CELF2: variants seen among roughly 807,000 people sequenced by gnomAD.
The protein encoded by CELF2 is CUG triplet repeat RNA-binding protein 2.
Under a neutral mutation model 62.6 loss-of-function variants are expected in CELF2, and 8 were observed. That is an observed-to-expected ratio of 0.13 (90% CI 0.07 to 0.23). The LOEUF is 0.23. Among genes scored for constraint, CELF2 ranks in the 10% least tolerant of loss-of-function variants. CELF2 has a pLI of 1.00. For synonymous variants in CELF2, 258 were observed against 250.0 expected (o/e 1.03, Z -0.30); for missense variants, 333 against 671.0 (o/e 0.50, Z 5.56).
the CELF2 span, among the ~76,000 whole-genome samples, chr10:10,561,893 A>G: frequency 4.6e-5 from 7 of 152,210 alleles, no homozygotes; most frequent in African/African-American, 1.7e-4. Flanking sequence ...TTTTTCCCCC[A>G]GGGCCTAGGT....
the CELF2 span, among the ~76,000 whole-genome samples, chr10:10,505,279 C>G: frequency 6.6e-6 from 1 of 152,000 alleles, no homozygotes; most frequent in African/African-American, 2.4e-5. Flanking sequence ...AACCACTTAA[C>G]CTTCTTTAAC....
chr10:10,485,779 C>T, the CELF2 span, among the ~76,000 whole-genome samples: 1 of 152,162 alleles, frequency 6.6e-6, no homozygotes, highest in South Asian at 2.1e-4. Context: ...TCTATCCTAT[C>T]CGTTCCTAAA....
At chr10:11,064,920 C>A (rs1416323041) in intron 1 of CELF2, among the ~76,000 whole-genome samples, 1 of 152,186 alleles carries the variant, frequency 6.6e-6, no homozygotes, top group Admixed American at 6.5e-5. Flanking sequence ...AAAAGCTTTG[C>A]AGGCCCAGTC....
chr10:11,083,550 A>C (rs1222477212), intron 1 of CELF2, among the ~76,000 whole-genome samples: 2 of 152,180 alleles, frequency 1.3e-5, no homozygotes, highest in African/African-American at 4.8e-5. Flanking sequence ...TTACTAAGGT[A>C]ATGTTAGGCT....
chr10:10,503,536 CT>C, the CELF2 span, among the ~76,000 whole-genome samples: 2 of 151,866 alleles, frequency 1.3e-5, no homozygotes, highest in African/African-American at 4.8e-5. Flanking sequence ...GCCACTCCTA[CT>C]TTCGCTTGAT....
chr10:10,810,480 C>T (rs187738152), intron 1 of CELF2, among the ~76,000 whole-genome samples: 19 of 152,140 alleles, frequency 1.2e-4, no homozygotes, highest in Non-Finnish European at 1.6e-4. Flanking sequence ...TCCCTAAGTC[C>T]CTTAAGCATC....
In CELF2 at chr10:11,005,430, C is replaced by T. The variant is rs777545523; in HGVS notation, c.43C>T (p.Leu15=). 3 of 1,613,746 alleles carry T rather than the reference C, an allele frequency of 1.9e-6. No individual in the cohort carries two copies. In the African/African-American group the frequency reaches 4.0e-5, roughly 22 times the overall value. ...CGCTGTTACTATGAGAAATGAAGAG[C>T]TGCTTTTAAGGTATGTTGTTGTGTC... The change falls in exon 1 of 13, where the codon CTG becomes TTG. Residue 15 remains leucine (L), a synonymous_variant. Transcript: ENST00000416382. The surrounding 1 kb of genome is among the most constrained non-coding windows in gnomAD (Gnocchi z 4.3).
chr10:10,673,785 A>G, the CELF2 span, among the ~76,000 whole-genome samples: 1 of 152,048 alleles, frequency 6.6e-6, no homozygotes, highest in African/African-American at 2.4e-5. Flanking sequence ...TTGGACCTAT[A>G]TGTTTTATAG....
intron 1 of CELF2, among the ~76,000 whole-genome samples, chr10:10,837,347 C>G (rs575621414): frequency 6.6e-6 from 1 of 152,276 alleles, no homozygotes; most frequent in East Asian, 1.9e-4. Flanking sequence ...TTTCACCTTC[C>G]GCATGATTGT....
chr10:10,851,502 C>T (rs2059379927), intron 1 of CELF2, among the ~76,000 whole-genome samples: 1 of 152,140 alleles, frequency 6.6e-6, no homozygotes. Flanking sequence ...AAGAAAGCAT[C>T]AGAGAAAATG....
At chr10:11,241,029 A>G (rs1161524775) in intron 3 of CELF2, among the ~76,000 whole-genome samples, 1 of 152,038 alleles carries the variant, frequency 6.6e-6, no homozygotes, top group Non-Finnish European at 1.5e-5. Context: ...ATAGGTACCG[A>G]TTTCTGGGGC....
Position 11,156,027 on chromosome 10 carries a change from G to T in CELF2, c.75-9459G>T, listed in dbSNP as rs2064306176. On this transcript the variant is annotated intron_variant, in intron 1 of 12. Transcript: ENST00000633077. The surrounding 1 kb of genome is among the most constrained non-coding windows in gnomAD (Gnocchi z 4.3). Reference sequence around the variant, plus strand: ...CAGAAAAGTAGGTGGAGTTCTGAATGCCGGGCAAGCACAAAGGTCAGTGAC... The same window carrying T: ...CAGAAAAGTAGGTGGAGTTCTGAATTCCGGGCAAGCACAAAGGTCAGTGAC... Among the ~76,000 whole-genome samples the T allele has an allele frequency of 6.6e-6, 1 of 152,182 alleles. No individual in the cohort carries two copies. The highest frequency in any genetic ancestry group is 1.5e-5 in the Non-Finnish European group (1 of 68,032).
intron 1 of CELF2, among the ~76,000 whole-genome samples, chr10:11,079,602 A>C (rs1480916149): frequency 6.6e-6 from 1 of 152,098 alleles, no homozygotes; most frequent in Non-Finnish European, 1.5e-5. Flanking sequence ...CTGCCTCCCT[A>C]TGAAGAGGTG....
rs541661635 is a variant in CELF2, at chr10:11,307,652, G to A, written c.977-6487G>A. Among the ~76,000 whole-genome samples the A allele has an allele frequency of 1.7e-3, 255 of 152,326 alleles. 1 individual carries two copies. Among genetic ancestry groups the A allele is most frequent in the Middle Eastern group, 0.01 (3 of 294 alleles). On this transcript the variant is annotated intron_variant, in intron 9 of 12. Coordinates refer to ENST00000633077, the MANE Select transcript of CELF2 (RefSeq NM_001326342.2). Reference sequence around the variant, plus strand: ...CCGTTTAAATACAATGAAACAGAAGGTTGGGGAGATGAGGGAACAAGGCAG... The same window carrying A: ...CCGTTTAAATACAATGAAACAGAAGATTGGGGAGATGAGGGAACAAGGCAG...
At chr10:11,143,945 A>C (rs574631454) in intron 1 of CELF2, among the ~76,000 whole-genome samples, 1 of 152,342 alleles carries the variant, frequency 6.6e-6, no homozygotes, top group East Asian at 1.9e-4. Flanking sequence ...CTCTTTAAAT[A>C]TTGTATATTC....
chr10:10,847,155 G>GGT (rs2132667704), intron 1 of CELF2, among the ~76,000 whole-genome samples: 1 of 150,654 alleles, frequency 6.6e-6, no homozygotes, highest in South Asian at 2.1e-4. Flanking sequence ...ATTTATATTA[G>GGT]GTATATATAT....
At chr10:10,787,682 G>T in the CELF2 span, among the ~76,000 whole-genome samples, 1 of 152,168 alleles carries the variant, frequency 6.6e-6, no homozygotes, top group Non-Finnish European at 1.5e-5. Flanking sequence ...TAAAGTCAGG[G>T]CTCTGTAGTT....
chr10:10,651,228 A>G, the CELF2 span, among the ~76,000 whole-genome samples: 18,659 of 93,578 alleles, frequency 0.2, 2,865 homozygotes, highest in South Asian at 0.45. Flanking sequence ...CTATGCCCAC[A>G]GAATCTCGCT....
At chr10:10,578,637 T>A in the CELF2 span, among the ~76,000 whole-genome samples, 1 of 152,132 alleles carries the variant, frequency 6.6e-6, no homozygotes, top group African/African-American at 2.4e-5. Flanking sequence ...AAAAGGACCA[T>A]GCAAGCACAC....
Sources: gnomAD v4.1 joint callset for allele counts (sites outside exome capture counted in the v4.1 genomes callset) on GRCh38, gnomAD v4.1.1 for gene constraint, Gnocchi (gnomAD v3.1) non-coding constraint, MANE v1.5 for transcripts, NCBI Gene and HGNC (gene_info 2026-07-23, HGNC 2026-07-21) for gene names.